PCM1: variants seen among roughly 807,000 people sequenced by gnomAD.
PCM1 encodes pericentriolar material 1.
Under a neutral mutation model 241.9 loss-of-function variants are expected in PCM1, and 157 were observed. The observed-to-expected ratio is 0.65, with a 90% CI of 0.57 to 0.74. The LOEUF is 0.74. Ranked by LOEUF, PCM1 falls within the 30% of genes least tolerant of loss-of-function variation. The pLI, the probability that PCM1 is intolerant of heterozygous loss-of-function variation, is 0.00. For missense variants in PCM1, 3,478 were observed against 2,360.1 expected, an observed-to-expected ratio of 1.47 and a Z score of -9.81; for synonymous variants, 1,085 against 784.9, an observed-to-expected ratio of 1.38 and a Z score of -6.39.
At chr8:18,015,395 A>C (rs34052296) in intron 36 of PCM1, among the ~76,000 whole-genome samples, 7,277 of 152,254 alleles carry the variant, frequency 0.048, 213 homozygotes, top group South Asian at 0.1. Flanking sequence ...TGCAAACATA[A>C]ATGAAACTTC....
In PCM1 at chr8:17,989,928, A is replaced by C. The variant is rs576672549; in HGVS notation, c.4480A>C (p.Ser1494Arg). The C allele has an allele frequency of 5.8e-6, 9 of 1,545,780 alleles. No homozygotes were observed. Among genetic ancestry groups the C allele is most frequent in the South Asian group, 1.2e-5 (1 of 83,212 alleles). The change falls in exon 27 of 39, where the codon AGT becomes CGT. Residue 1494 changes from serine (S) to arginine (R), a missense_variant. By Grantham distance (110) the Ser-to-Arg change is moderately radical (BLOSUM62 -1). Transcript: ENST00000325083. ...ISEQNDADNA[S>R]VLSVSSNFEP... ...TGAGCAAAATGATGCTGATAATGCT[A>C]GTGTCCTGTCTGTATCATCAAATTT...
At chr8:17,957,822 G>T (rs1363466968) in intron 13 of PCM1, 47 bp downstream of exon 13, 8 of 1,255,194 alleles carry the variant, frequency 6.4e-6, no homozygotes, top group Non-Finnish European at 9.1e-6. Context: ...AAATAGTACA[G>T]TCTTAAGTAA....
At chr8:17,994,154 G>A (rs2085755858) in intron 29 of PCM1, among the ~76,000 whole-genome samples, 2 of 152,042 alleles carry the variant, frequency 1.3e-5, no homozygotes, top group African/African-American at 2.4e-5. Flanking sequence ...ACTACTTTTT[G>A]TACCCATTAA....
At chr8:18,027,421 A>G (rs992613494) in intron 38 of PCM1, among the ~76,000 whole-genome samples, 3 of 152,180 alleles carry the variant, frequency 2.0e-5, no homozygotes, top group Non-Finnish European at 4.4e-5. Context: ...TTTTAGAGAG[A>G]CACGAAGTAT....
intron 4 of PCM1, among the ~76,000 whole-genome samples, chr8:17,937,882 T>A (rs1282433673): frequency 1.3e-5 from 2 of 152,142 alleles, no homozygotes; most frequent in Admixed American, 6.6e-5. Context: ...ACACACACAT[T>A]TCCAAAAATG....
chr8:17,969,888 G>GT (rs1371053779), intron 22 of PCM1, 140 bp downstream of exon 22: 5 of 647,804 alleles, frequency 7.7e-6, no homozygotes, highest in African/African-American at 3.7e-5. Flanking sequence ...AAACTTTGAC[G>GT]TATCAGTAGA....
intron 29 of PCM1, among the ~76,000 whole-genome samples, chr8:17,997,747 C>T (rs2087435284): frequency 6.6e-6 from 1 of 151,764 alleles, no homozygotes; most frequent in African/African-American, 2.4e-5. Flanking sequence ...AATTCCCGGC[C>T]AGGTGCTATG....
chr8:17,944,576 G>C (rs1323468257), intron 6 of PCM1, among the ~76,000 whole-genome samples: 1 of 152,124 alleles, frequency 6.6e-6, no homozygotes, highest in Non-Finnish European at 1.5e-5. Context: ...GTTGGTGAAA[G>C]TGACTTTTTC....
intron 24 of PCM1, 41 bp downstream of exon 24, chr8:17,980,796 C>A: frequency 6.8e-7 from 1 of 1,475,242 alleles, no homozygotes; most frequent in South Asian, 1.2e-5. Flanking sequence ...AGGAGGTTTT[C>A]AGCTTAGATT....
chr8:17,942,792 G>C (rs2062553124), intron 6 of PCM1, among the ~76,000 whole-genome samples: 1 of 152,054 alleles, frequency 6.6e-6, no homozygotes, highest in South Asian at 2.1e-4. Flanking sequence ...TCAGGAGATC[G>C]AGACCAGTCT....
At chr8:18,020,371 G>A (rs2237853) in intron 36 of PCM1, among the ~76,000 whole-genome samples, 118,691 of 152,098 alleles carry the variant, frequency 0.78, 46,871 homozygotes, top group African/African-American at 0.85. Flanking sequence ...TACACGTGCA[G>A]TTGAAAGCTC....
intron 2 of PCM1, among the ~76,000 whole-genome samples, chr8:17,930,601 G>T (rs1172013171): frequency 6.6e-6 from 1 of 151,810 alleles, no homozygotes; most frequent in South Asian, 2.1e-4. Flanking sequence ...GAATGTGGCC[G>T]GGTGCGGTGG....
chr8:17,936,021 C>A (rs1355917020), intron 3 of PCM1, among the ~76,000 whole-genome samples: 1 of 152,142 alleles, frequency 6.6e-6, no homozygotes, highest in East Asian at 1.9e-4. Context: ...GTTTTCACCA[C>A]CCTAACTCTG....
chr8:17,931,647 T>A (rs192570097), intron 2 of PCM1, among the ~76,000 whole-genome samples: 170 of 152,344 alleles, frequency 1.1e-3, no homozygotes, highest in Middle Eastern at 6.8e-3. Flanking sequence ...TGATATGTAA[T>A]AATTTTGACT....
At chr8:17,959,956 T>C in intron 13 of PCM1, 58 bp from the exon 14 acceptor site, 1 of 1,505,898 alleles carries the variant, frequency 6.6e-7, no homozygotes, top group Non-Finnish European at 9.1e-7. Flanking sequence ...TACTAAGGTA[T>C]GAATTGGATA....
In PCM1 at chr8:18,029,156, C is replaced by CAAAAA. The variant is rs11333913; in HGVS notation, c.*1516_*1520dup. On this transcript the variant is annotated 3_prime_UTR_variant, in exon 39 of 39. Coordinates refer to ENST00000325083, the MANE Select transcript of PCM1 (RefSeq NM_006197.4). ...CTGGCAACAGAGCGAGACTCTGTCT[C>CAAAAA]AAAAAAAAAAAAAAAAAAAAAAAAA... 3.4e-3 allele frequency: 193 copies of CAAAAA among 56,394 alleles called. 8 individuals are homozygous for CAAAAA. Among genetic ancestry groups the CAAAAA allele is most frequent in the African/African-American group, 0.013 (178 of 13,586 alleles). The allele number at this position is 56,394 out of a possible 1,614,324, so 3.5% of individuals were successfully genotyped here. A position where few individuals can be genotyped will look rare whatever the true frequency, so the allele number is the denominator to read the frequency against.
intron 17 of PCM1, among the ~76,000 whole-genome samples, chr8:17,964,223 T>C (rs1019707396): frequency 6.6e-6 from 1 of 152,236 alleles, no homozygotes; most frequent in African/African-American, 2.4e-5. Context: ...ATAGCACAGA[T>C]ACAGATGATT....
In PCM1 at chr8:17,972,380, A is replaced by C; in HGVS notation, c.3636A>C (p.Leu1212Phe). 6.3e-7 allele frequency: 1 copy of C among 1,590,826 alleles called. No individual in the cohort carries two copies. Among genetic ancestry groups the C allele is most frequent in the Non-Finnish European group, 8.6e-7 (1 of 1,167,526 alleles). Reference sequence around the variant, plus strand: ...TGGAAAGCAGTAGGACACCATGGTTATATGAACAAGAAGGTGAAGTAGAGA... The same window carrying C: ...TGGAAAGCAGTAGGACACCATGGTTCTATGAACAAGAAGGTGAAGTAGAGA... ...EEVESSRTPW[L>F]YEQEGEVEKP... The change falls in exon 23 of 39, where the codon TTA (leucine) becomes TTC (phenylalanine). Residue 1212 changes from leucine (L) to phenylalanine (F), a missense_variant. Transcript: ENST00000325083.
chr8:17,955,048 T>C (rs2067592333), intron 9 of PCM1, among the ~76,000 whole-genome samples: 1 of 152,120 alleles, frequency 6.6e-6, no homozygotes, highest in Non-Finnish European at 1.5e-5. Flanking sequence ...AGATTACAGA[T>C]TGAGTACTGC....
Sources: allele counts gnomAD v4.1 joint callset (sites outside exome capture counted in the v4.1 genomes callset), GRCh38; gene constraint gnomAD v4.1.1; transcripts MANE v1.5; gene names NCBI Gene and HGNC (gene_info 2026-07-23, HGNC 2026-07-21).